EVPLL: variants seen among roughly 807,000 people sequenced by gnomAD.
EVPLL encodes the protein envoplakin like, also known as envoplakin-like protein.
Under a neutral mutation model 46.2 loss-of-function variants are expected in EVPLL, and 39 were observed. The ratio of observed to expected loss-of-function variants is 0.84; its 90% CI spans 0.65 to 1.10. The LOEUF (loss-of-function observed/expected upper bound fraction) is 1.10. Ranked by LOEUF, EVPLL falls within the 50% of genes least tolerant of loss-of-function variation. The pLI, the probability that EVPLL is intolerant of heterozygous loss-of-function variation, is 0.00. For synonymous variants in EVPLL, 156 were observed against 165.8 expected (o/e 0.94, Z 0.46); for missense variants, 385 against 412.6 (o/e 0.93, Z 0.58).
At chr17:18,383,701 G>C (rs1987680364) in intron 9 of EVPLL, 114 bp downstream of exon 9, 1 of 960,468 alleles carries the variant, frequency 1.0e-6, no homozygotes, top group Non-Finnish European at 1.6e-6. Context: ...GGCAAGTCGC[G>C]GTGGCTCACA....
rs1401889979 is a variant in EVPLL at position 18,383,368 on chromosome 17, G to C, written c.770G>C (p.Gly257Ala). 2 of 1,596,670 alleles carry C rather than the reference G, an allele frequency of 1.3e-6. No homozygotes were observed. The highest frequency in any genetic ancestry group is 4.6e-5 in the East Asian group (2 of 43,880). Residue 257 changes from glycine to alanine, a missense_variant, in exon 8 of 11, where the codon GGG (glycine) becomes GCG (alanine). Gly to Ala is a moderately conservative substitution (Grantham distance 60). Coordinates refer to ENST00000399134, the MANE Select transcript of EVPLL (RefSeq NM_001145127.2). ...RMVELRHPAVGPIQAHQEALK... is the reference protein window; with the variant it reads ...RMVELRHPAVAPIQAHQEALK... ...GTGGAGCTGCGGCACCCCGCGGTGGGGCCCATCCAGGTGCGCTGGGGGCAG... is the reference window on the plus strand; with the variant it reads ...GTGGAGCTGCGGCACCCCGCGGTGGCGCCCATCCAGGTGCGCTGGGGGCAG...
chr17:18,386,675 C>CT (rs2151632171), intron 9 of EVPLL, among the ~76,000 whole-genome samples: 1 of 152,170 alleles, frequency 6.6e-6, no homozygotes, highest in South Asian at 2.1e-4. Context: ...TGTCAGTGTG[C>CT]TGCAAAGATG....
At chr17:18,378,656 T>A (rs1459635733) in intron 1 of EVPLL, among the ~76,000 whole-genome samples, 9 of 149,884 alleles carry the variant, frequency 6.0e-5, no homozygotes, top group Non-Finnish European at 1.2e-4. Context: ...ATAAAAAAAA[T>A]AAAAATAAAA....
At chr17:18,382,780 T>C in intron 5 of EVPLL, 46 bp from the exon 6 acceptor site, 1 of 1,598,304 alleles carries the variant, frequency 6.3e-7, no homozygotes, top group Non-Finnish European at 8.5e-7. Flanking sequence ...GCCGTCTCCC[T>C]GTGCCCCACC....
Position 18,380,800 on chromosome 17 carries a change from T to TG in EVPLL, c.-36-97dup, listed in dbSNP as rs1022354063. Reference sequence around the variant, plus strand: ...AAAGTCAGGGCAGTGTGCTAGGCTGTGGGGGCGGGATGGGGTGGAGAGAGG... The same window carrying TG: ...AAAGTCAGGGCAGTGTGCTAGGCTGTGGGGGGCGGGATGGGGTGGAGAGAGG... On this transcript the variant is annotated intron_variant, in intron 1 of 10. Transcript: ENST00000399134. 2.0e-5 allele frequency: 19 copies of TG among 964,672 alleles called. No homozygotes were observed. The Admixed American group carries it at 3.2e-4, about 16-fold the overall frequency. 59.8% of individuals were successfully genotyped at this position (964,672 alleles called of 1,614,324 possible). A position where few individuals can be genotyped will look rare whatever the true frequency, so the allele number is the denominator to read the frequency against.
Position 18,382,500 on chromosome 17 carries a change from G to T in EVPLL, c.347-13G>T, listed in dbSNP as rs1474289513. ...CTGGTCCTGTGGTGACTGAGCCGCCGGCTCTCCTGCAGAAGCTGGTCTGCG... is the reference window on the plus strand; with the variant it reads ...CTGGTCCTGTGGTGACTGAGCCGCCTGCTCTCCTGCAGAAGCTGGTCTGCG... On this transcript the variant is annotated splice_polypyrimidine_tract_variant and intron_variant, in intron 4 of 10. Coordinates refer to ENST00000399134, the MANE Select transcript of EVPLL (RefSeq NM_001145127.2). 4.5e-6 allele frequency: 7 copies of T among 1,551,498 alleles called. No individual in the cohort carries two copies. The South Asian group carries it at 7.1e-5, about 16-fold the overall frequency.
chr17:18,378,871 A>G (rs1987469713), intron 1 of EVPLL, among the ~76,000 whole-genome samples: 1 of 151,908 alleles, frequency 6.6e-6, no homozygotes, highest in African/African-American at 2.4e-5. Flanking sequence ...TGAGCCCAGG[A>G]GTTGGAGACC....
intron 9 of EVPLL, among the ~76,000 whole-genome samples, chr17:18,386,253 C>A (rs1490142368): frequency 1.3e-5 from 2 of 152,142 alleles, no homozygotes; most frequent in Non-Finnish European, 2.9e-5. Flanking sequence ...TCCAAATTTG[C>A]CCTTTTATAA....
chr17:18,388,466 A>G (rs587609), intron 10 of EVPLL, 178 bp downstream of exon 10: 291,504 of 486,990 alleles, frequency 0.6, 81,302 homozygotes, highest in African/African-American at 0.68. Context: ...AGAGTGGGGT[A>G]CCTGGGTTGA....
rs141503181 is a variant in EVPLL at position 18,386,621 on chromosome 17, A to G, written c.877-1598A>G. Among the ~76,000 whole-genome samples the G allele has an allele frequency of 5.8e-3, 885 of 152,224 alleles. 16 individuals carry two copies. The highest frequency in any genetic ancestry group is 0.02 in the African/African-American group (848 of 41,528). ...TCTTATAACGGTGGACACAAATCCC[A>G]GCACTGGTGCAGTTGCTTGCCGGCT... On this transcript the variant is annotated intron_variant, in intron 9 of 10. Transcript: ENST00000399134.
At position 18,383,308 on chromosome 17, in the gene EVPLL, G is replaced by T; in HGVS notation, c.710G>T (p.Ser237Ile). The T allele has an allele frequency of 6.2e-7, 1 of 1,603,864 alleles. No homozygotes were observed. The highest frequency in any genetic ancestry group is 1.9e-4 in the Middle Eastern group (1 of 5,402). ...KQHELLSQEQ[S>I]VNQLEEDGKR... ...CACGAGCTGCTGAGCCAGGAGCAGAGCGTAAACCAGCTGGAGGAGGACGGC... is the reference window on the plus strand; with the variant it reads ...CACGAGCTGCTGAGCCAGGAGCAGATCGTAAACCAGCTGGAGGAGGACGGC... The change falls in exon 8 of 11, where the codon AGC becomes ATC. Residue 237 changes from serine to isoleucine, a missense_variant. By Grantham distance (142) the Ser-to-Ile change is moderately radical. Transcript: ENST00000399134.
rs562709198 is a variant in EVPLL, at chr17:18,381,824, T to C, written c.346+94T>C. 53 of 1,578,562 alleles carry C rather than the reference T, an allele frequency of 3.4e-5. No individual in the cohort carries two copies. In the African/African-American group the frequency reaches 6.0e-4, roughly 18 times the overall value. ...TGACTGTAGGCTTGAACAGTCAGTG[T>C]ATAGTGGTGTCTCAGGGGTCTGGGC... On this transcript the variant is annotated intron_variant, in intron 4 of 10. Transcript: ENST00000399134. The surrounding 1 kb of genome is among the most constrained non-coding windows in gnomAD (Gnocchi z 4.2).
In EVPLL at chr17:18,383,508, T is replaced by C. The variant is rs893749576; in HGVS notation, c.797T>C (p.Leu266Pro). The C allele has an allele frequency of 2.1e-5, 34 of 1,581,886 alleles. No individual in the cohort carries two copies. Among genetic ancestry groups the C allele is most frequent in the African/African-American group, 4.1e-5 (3 of 73,880 alleles). ...GGTACCCAGGCCCACCAGGAGGCCC[T>C]GAAGATGGAGTGGCAGAACTTCCTG... The part of the protein sequence containing the change: ...VGPIQAHQEA[L>P]KMEWQNFLNL... Residue 266 changes from leucine to proline, a missense_variant, in exon 9 of 11, where the codon CTG (leucine) becomes CCG (proline). Physicochemically the swap from Leu to Pro is moderately conservative, Grantham distance 98 (BLOSUM62 -3). Transcript: ENST00000399134.
chr17:18,381,660 C>T lies in EVPLL; in HGVS notation c.276C>T (p.Tyr92=), dbSNP rs567752730. The change falls in exon 4 of 11, where the codon TAC becomes TAT. Residue 92 remains tyrosine, a synonymous_variant. Coordinates refer to ENST00000399134, the MANE Select transcript of EVPLL (RefSeq NM_001145127.2). This position sits in a 1 kb window ranked among gnomAD's most constrained non-coding sequence, Gnocchi z 4.2. ...AGTGTGCGGAGTACTGTGCCCTGTA[C>T]GAGAAGATGGTGCTGCCGCCCCGAC... ...TQECAEYCAL[Y]EKMVLPPRRG... is the part of the protein sequence containing the mutation. 3.8e-5 allele frequency: 62 copies of T among 1,614,142 alleles called. No homozygotes were observed. The South Asian group carries it at 5.4e-4, about 14-fold the overall frequency.
intron 9 of EVPLL, 182 bp from the exon 10 acceptor site, chr17:18,388,037 T>TGTATAC: frequency 5.7e-6 from 1 of 174,938 alleles, no homozygotes; most frequent in Non-Finnish European, 1.2e-5. Flanking sequence ...CATATATATA[T>TGTATAC]ATATACATAT....
Position 18,377,913 on chromosome 17 carries a change from C to G in EVPLL, c.-107C>G. 1 of 1,140,508 alleles carries G rather than the reference C, an allele frequency of 8.8e-7. No individual in the cohort carries two copies. The highest frequency in any genetic ancestry group is 1.2e-6 in the Non-Finnish European group (1 of 822,566). 70.6% of individuals were successfully genotyped at this position (1,140,508 alleles called of 1,614,324 possible). On this transcript the variant is annotated 5_prime_UTR_variant, in exon 1 of 11. Transcript: ENST00000399134. ...GTTCAAGGGACTGAGCAAAGGCTCCCAGGGGAAGGGGTCCCCCAAGGACTC... is the reference window on the plus strand; with the variant it reads ...GTTCAAGGGACTGAGCAAAGGCTCCGAGGGGAAGGGGTCCCCCAAGGACTC...
Position 18,378,466 on chromosome 17 carries a change from A to C in EVPLL, c.-37+483A>C, listed in dbSNP as rs193186469. Among the ~76,000 whole-genome samples the C allele has an allele frequency of 9.2e-5, 14 of 152,140 alleles. No homozygotes were observed. In the East Asian group the frequency reaches 2.1e-3, roughly 23 times the overall value. On this transcript the variant is annotated intron_variant, in intron 1 of 10. Coordinates refer to ENST00000399134, the MANE Select transcript of EVPLL (RefSeq NM_001145127.2). ...GCAGGGGCTGTGCTGCCTCCTGCCT[A>C]AGCCAGAGCCCTCCCCAGAGCTCTC...
chr17:18,386,835 C>G (rs557909284), intron 9 of EVPLL, among the ~76,000 whole-genome samples: 2 of 151,924 alleles, frequency 1.3e-5, no homozygotes, highest in East Asian at 3.9e-4. Context: ...TGTTAGGGTG[C>G]CTAGGCTCAA....
chr17:18,380,974 C>G lies in EVPLL; in HGVS notation c.37C>G (p.Leu13Val). 1 of 1,596,838 alleles carries G rather than the reference C, an allele frequency of 6.3e-7. No homozygotes were observed. Among genetic ancestry groups the G allele is most frequent in the Non-Finnish European group, 8.5e-7 (1 of 1,172,392 alleles). The change falls in exon 2 of 11, where the codon CTG becomes GTG. Residue 13 changes from leucine (L) to valine (V), a missense_variant. Transcript: ENST00000399134. The stretch of plus-strand genomic sequence containing the variant: ...CGCCGACCAGGTGGAGCGGGACATC[C>G]TGGAGACGCAGAAGAGGCTGCAGCA... ...ASADQVERDILETQKRLQQDR... is the reference protein window; with the variant it reads ...ASADQVERDIVETQKRLQQDR...
Sources: gnomAD v4.1 joint callset for allele counts (sites outside exome capture counted in the v4.1 genomes callset) on GRCh38, gnomAD v4.1.1 for gene constraint, Gnocchi (gnomAD v3.1) non-coding constraint, MANE v1.5 for transcripts, NCBI Gene and HGNC (gene_info 2026-07-23, HGNC 2026-07-21) for gene names.